Variants in UGGT2 observed in about 807,000 individuals in gnomAD.
The protein encoded by UGGT2 is UDP-glucose glycoprotein glucosyltransferase 2, also known as UDP-glucose:glycoprotein glucosyltransferase 2.
A neutral mutation model predicts 192.1 loss-of-function variants in UGGT2; 180 were observed. The observed-to-expected ratio is 0.94, with a 90% confidence interval of 0.83 to 1.06. The LOEUF is 1.06. Among genes scored for constraint, UGGT2 ranks in the 50% least tolerant of loss-of-function variants. UGGT2 has a pLI of 0.00. For missense variants in UGGT2, 1,849 were observed against 1,795.7 expected, an observed-to-expected ratio of 1.03 and a Z score of -0.54; for synonymous variants, 580 against 591.0, an observed-to-expected ratio of 0.98 and a Z score of 0.27.
chr13:96,008,711 C>A (rs1019812315), intron 5 of UGGT2, among the ~76,000 whole-genome samples: 16 of 152,146 alleles, frequency 1.1e-4, no homozygotes, highest in Non-Finnish European at 1.5e-5. Flanking sequence ...ATACAAAACA[C>A]TGCTCAAGGA....
At position 95,925,666 on chromosome 13, in the gene UGGT2, A is replaced by T. The variant is rs752424745; in HGVS notation, c.2295+14T>A. 30 of 1,474,592 alleles carry T rather than the reference A, an allele frequency of 2.0e-5. No homozygotes were observed. In the African/African-American group the frequency reaches 2.1e-4, roughly 10 times the overall value. The allele number at this position is 1,474,592 out of a possible 1,614,324, so 91.3% of individuals were successfully genotyped here. ...ATAAATTAAAATTGTTAGTAAGAAT[A>T]TCTAGGTACTCACCATGTGCTTTAA... On this transcript the variant is annotated intron_variant, in intron 20 of 38. Coordinates refer to ENST00000376747, the MANE Select transcript of UGGT2 (RefSeq NM_020121.4).
chr13:95,845,779 G>A (rs1394249354), intron 36 of UGGT2, among the ~76,000 whole-genome samples: 1 of 151,886 alleles, frequency 6.6e-6, no homozygotes, highest in Non-Finnish European at 1.5e-5. Flanking sequence ...TTCCCAGACG[G>A]GGTCGCGGCC....
chr13:95,909,197 A>G (rs150729451), intron 20 of UGGT2, among the ~76,000 whole-genome samples: 1 of 152,086 alleles, frequency 6.6e-6, no homozygotes, highest in Non-Finnish European at 1.5e-5. Flanking sequence ...CCATTTATTA[A>G]ATAGGGAATC....
intron 29 of UGGT2, among the ~76,000 whole-genome samples, chr13:95,871,716 A>G (rs1891236949): frequency 6.6e-6 from 1 of 152,178 alleles, no homozygotes; most frequent in African/African-American, 2.4e-5. Flanking sequence ...TGCAGCCAAG[A>G]AGGAGAGCGA....
intron 11 of UGGT2, among the ~76,000 whole-genome samples, chr13:95,971,704 T>C (rs2050779169): frequency 6.6e-6 from 1 of 152,140 alleles, no homozygotes. Context: ...TTCTCTACTC[T>C]TTCTATGTGT....
chr13:95,869,255 T>C (rs562233318), intron 29 of UGGT2, among the ~76,000 whole-genome samples: 52 of 152,236 alleles, frequency 3.4e-4, no homozygotes, highest in Middle Eastern at 6.8e-3. Flanking sequence ...CCATGGTGTA[T>C]ATGTGCCACA....
intron 33 of UGGT2, among the ~76,000 whole-genome samples, chr13:95,858,821 T>C (rs1356228652): frequency 6.6e-6 from 1 of 152,178 alleles, no homozygotes; most frequent in Non-Finnish European, 1.5e-5. Flanking sequence ...TCATGTGGGA[T>C]TGTTATGAAA....
chr13:95,827,989 G>A (rs1401767374), intron 38 of UGGT2, among the ~76,000 whole-genome samples: 1 of 151,952 alleles, frequency 6.6e-6, no homozygotes, highest in African/African-American at 2.4e-5. Context: ...TGCACTCTTC[G>A]ACCAATCAAT....
intron 5 of UGGT2, among the ~76,000 whole-genome samples, chr13:96,012,849 T>C (rs2052206962): frequency 6.6e-6 from 1 of 151,932 alleles, no homozygotes; most frequent in African/African-American, 2.4e-5. Context: ...AAAAATGTGA[T>C]AGTGTCATAG....
chr13:95,815,984 CTT>C (rs1884849284), intron 38 of UGGT2, among the ~76,000 whole-genome samples: 1 of 152,098 alleles, frequency 6.6e-6, no homozygotes, highest in African/African-American at 2.4e-5. Flanking sequence ...GCACCTTCCC[CTT>C]CTCTCTCGTG....
At chr13:95,837,057 T>C (rs1887367450) in intron 37 of UGGT2, 29 bp downstream of exon 37, 2 of 1,458,360 alleles carry the variant, frequency 1.4e-6, no homozygotes, top group Non-Finnish European at 1.9e-6. Flanking sequence ...TGTATCTGCT[T>C]ACATACAAAT....
chr13:95,978,239 C>G (rs2140836226), intron 10 of UGGT2, among the ~76,000 whole-genome samples: 1 of 152,162 alleles, frequency 6.6e-6, no homozygotes, highest in Non-Finnish European at 1.5e-5. Context: ...GTCATTTTAA[C>G]ACGTGAGACA....
At chr13:95,989,910 G>C (rs1051511864) in intron 8 of UGGT2, 63 bp downstream of exon 8, 1 of 1,036,858 alleles carries the variant, frequency 9.6e-7, no homozygotes, top group African/African-American at 1.6e-5. Context: ...ATATATAAAA[G>C]CTTATTTAAC....
chr13:95,967,552 CA>C (rs2050627266), intron 12 of UGGT2, among the ~76,000 whole-genome samples: 1 of 148,388 alleles, frequency 6.7e-6, no homozygotes, highest in Non-Finnish European at 1.5e-5. Flanking sequence ...TGGCTCACTG[CA>C]ACCTCCACCT....
intron 4 of UGGT2, among the ~76,000 whole-genome samples, chr13:96,022,350 C>T (rs574422426): frequency 6.6e-6 from 1 of 151,708 alleles, no homozygotes; most frequent in South Asian, 2.1e-4. Context: ...AGTATAAAAA[C>T]AATATAAAAG....
intron 7 of UGGT2, chr13:95,991,448 G>A (rs1478358073): frequency 8.8e-6 from 4 of 453,796 alleles, no homozygotes; most frequent in South Asian, 3.1e-5. Context: ...TTGAAAACAC[G>A]TATTTTCAAT....
chr13:95,999,142 T>C, intron 6 of UGGT2, 69 bp downstream of exon 6: 1 of 1,298,586 alleles, frequency 7.7e-7, no homozygotes, highest in Non-Finnish European at 1.1e-6. Context: ...CATTAAATTT[T>C]TAAAAAACTA....
intron 20 of UGGT2, among the ~76,000 whole-genome samples, chr13:95,924,045 A>G (rs957949763): frequency 6.6e-6 from 1 of 152,216 alleles, no homozygotes; most frequent in Non-Finnish European, 1.5e-5. Flanking sequence ...TTTCCAACAG[A>G]TAGCATTTTG....
rs1594171783 is a variant in UGGT2, at chr13:95,860,866, T to C, written c.3662A>G (p.His1221Arg). ...DSIKSFTVSL[H>R]KENKKEKDVL... is the part of the protein sequence containing the mutation. ...ATCTTTTTCCTTTTTGTTTTCTTTA[T>C]GCAAGCTTACTGTGAAACTTGGAAT... The change falls in exon 32 of 39, where the codon CAT (histidine) becomes CGT (arginine). Residue 1221 changes from histidine (H) to arginine (R), a missense_variant. Transcript: ENST00000376747. The C allele has an allele frequency of 6.4e-7, 1 of 1,568,058 alleles. No homozygotes were observed. The highest frequency in any genetic ancestry group is 1.2e-5 in the South Asian group (1 of 80,032).
Sources: gnomAD v4.1 joint callset for allele counts (sites outside exome capture counted in the v4.1 genomes callset) on GRCh38, gnomAD v4.1.1 for gene constraint, MANE v1.5 for transcripts, NCBI Gene and HGNC (gene_info 2026-07-23, HGNC 2026-07-21) for gene names.